Variants in SLC13A1 observed in about 807,000 individuals in gnomAD.
The protein encoded by SLC13A1 is solute carrier family 13 member 1, also known as Na(+)/sulfate cotransporter.
In SLC13A1, 65 loss-of-function variants were observed where a neutral mutation model predicts 70.0. That is an observed-to-expected ratio of 0.93 (90% CI 0.76 to 1.14). The LOEUF is 1.14. Ranked by LOEUF, SLC13A1 falls within the 50% of genes most tolerant of loss-of-function variation. SLC13A1 has a pLI of 0.00. For missense variants in SLC13A1, 726 were observed against 717.8 expected (o/e 1.01, Z -0.13); for synonymous variants, 275 against 250.5 (o/e 1.10, Z -0.92).
intron 6 of SLC13A1, among the ~76,000 whole-genome samples, chr7:123,161,861 T>C (rs1366407599): frequency 2.6e-5 from 4 of 152,172 alleles, no homozygotes; most frequent in Non-Finnish European, 5.9e-5. Context: ...TAGGCTCGTG[T>C]AGATTTTAGA....
intron 1 of SLC13A1, among the ~76,000 whole-genome samples, chr7:123,182,596 G>A (rs1795674263): frequency 6.6e-6 from 1 of 151,990 alleles, no homozygotes; most frequent in African/African-American, 2.4e-5. Context: ...CAACTATCTG[G>A]AGCACCAATC....
intron 6 of SLC13A1, among the ~76,000 whole-genome samples, chr7:123,159,330 A>T (rs2116487607): frequency 6.6e-6 from 1 of 152,344 alleles, no homozygotes; most frequent in East Asian, 1.9e-4. Context: ...ACAAAGAAGG[A>T]TGCCTAATCC....
At chr7:123,147,959 T>C (rs1389126432) in intron 6 of SLC13A1, among the ~76,000 whole-genome samples, 1 of 151,604 alleles carries the variant, frequency 6.6e-6, no homozygotes, top group African/African-American at 2.4e-5. Context: ...CTAAACTTCT[T>C]TAAGAAGGGT....
At chr7:123,149,674 T>C (rs1794487574) in intron 6 of SLC13A1, 8 of 454,556 alleles carry the variant, frequency 1.8e-5, no homozygotes, top group South Asian at 1.2e-4. Flanking sequence ...TTATAGTTAC[T>C]CAGGGGTAGA....
chr7:123,181,216 G>A, intron 1 of SLC13A1, 115 bp from the exon 2 acceptor site: 2 of 1,098,946 alleles, frequency 1.8e-6, no homozygotes, highest in Non-Finnish European at 2.5e-6. Flanking sequence ...AAGAAGATCT[G>A]AAGACCTCTG....
intron 1 of SLC13A1, among the ~76,000 whole-genome samples, chr7:123,188,770 G>T (rs1179271481): frequency 6.6e-6 from 1 of 152,044 alleles, no homozygotes; most frequent in African/African-American, 2.4e-5. Context: ...TAATTTTAAT[G>T]CAGTGATTTT....
chr7:123,150,054 A>G (rs1794500442), intron 6 of SLC13A1, among the ~76,000 whole-genome samples: 1 of 152,176 alleles, frequency 6.6e-6, no homozygotes, highest in African/African-American at 2.4e-5. Context: ...TAAAAATTAC[A>G]TGCACAGTAG....
rs1054898730 is a variant in SLC13A1 at position 123,114,629 on chromosome 7, CAT to C, written c.*887_*888del. The C allele has an allele frequency of 6.6e-6, 1 of 151,904 alleles. No individual in the cohort carries two copies. The highest frequency in any genetic ancestry group is 1.5e-5 in the Non-Finnish European group (1 of 67,968). The allele number at this position is 151,904 out of a possible 1,614,324, so 9.4% of individuals were successfully genotyped here. A position where few individuals can be genotyped will look rare whatever the true frequency, so the allele number is the denominator to read the frequency against. ...GATTTCTACATCTCTTTATTTTTAA[CAT>C]ATGACATTATGTATTTCTGAACTAA... On this transcript the variant is annotated 3_prime_UTR_variant, in exon 15 of 15. Coordinates refer to ENST00000194130, the MANE Select transcript of SLC13A1 (RefSeq NM_022444.4).
At chr7:123,165,396 G>A (rs2462155) in intron 6 of SLC13A1, among the ~76,000 whole-genome samples, 4,438 of 152,048 alleles carry the variant, frequency 0.029, 213 homozygotes, top group African/African-American at 0.1. Flanking sequence ...ATGCATCTCC[G>A]TTATCTTTTC....
chr7:123,115,684 T>C, intron 14 of SLC13A1, 29 bp from the exon 15 acceptor site: 1 of 1,611,392 alleles, frequency 6.2e-7, no homozygotes, highest in Non-Finnish European at 8.5e-7. Flanking sequence ...TAAATGTCAG[T>C]GTCCCAGAAG....
chr7:123,157,646 A>T (rs1794756660), intron 6 of SLC13A1, among the ~76,000 whole-genome samples: 1 of 152,110 alleles, frequency 6.6e-6, no homozygotes, highest in Admixed American at 6.6e-5. Flanking sequence ...TGACTGAAAC[A>T]AAATATAATA....
At chr7:123,170,839 A>G (rs1196850517) in intron 3 of SLC13A1, among the ~76,000 whole-genome samples, 2 of 152,024 alleles carry the variant, frequency 1.3e-5, no homozygotes, top group East Asian at 3.9e-4. Flanking sequence ...TTGGCCTCCT[A>G]AAGTGCTGGG....
intron 6 of SLC13A1, among the ~76,000 whole-genome samples, chr7:123,150,683 C>T (rs141774670): frequency 3.3e-5 from 5 of 152,206 alleles, no homozygotes; most frequent in African/African-American, 9.6e-5. Flanking sequence ...TCAATAGGAA[C>T]CTTTCAATCT....
chr7:123,125,585 T>G lies in SLC13A1; in HGVS notation c.1224A>C (p.Thr408=). The stretch of plus-strand genomic sequence containing the variant: ...ATACTCAACCAATTTCTCCTGTAGG[T>G]GTAGTTTTAGTCAGTGTCTTAGCTG... ...LIPAKTLTKT[T]PTGEIVAFDY... Residue 408 remains threonine, a synonymous_variant, in exon 11 of 15, where the codon ACA becomes ACC. Transcript: ENST00000194130. The G allele has an allele frequency of 6.2e-7, 1 of 1,608,602 alleles. No individual in the cohort carries two copies. Among genetic ancestry groups the G allele is most frequent in the Non-Finnish European group, 8.5e-7 (1 of 1,176,682 alleles).
rs571425997 is a variant in SLC13A1 at position 123,166,150 on chromosome 7, C to T, written c.660+2224G>A. On this transcript the variant is annotated intron_variant, in intron 6 of 14. Coordinates refer to ENST00000194130, the MANE Select transcript of SLC13A1 (RefSeq NM_022444.4). ...TATGTCAGACATATTTTTATAAGTCCGTCTTGTCCACTAGACTCTGAGCTG... is the reference window on the plus strand; with the variant it reads ...TATGTCAGACATATTTTTATAAGTCTGTCTTGTCCACTAGACTCTGAGCTG... Among the ~76,000 whole-genome samples the T allele has an allele frequency of 3.7e-3, 564 of 152,004 alleles. 1 individual carries two copies. The highest frequency in any genetic ancestry group is 5.1e-3 in the Non-Finnish European group (346 of 67,986).
intron 6 of SLC13A1, among the ~76,000 whole-genome samples, chr7:123,151,579 T>TA (rs970835531): frequency 6.6e-6 from 1 of 152,010 alleles, no homozygotes; most frequent in Non-Finnish European, 1.5e-5. Flanking sequence ...CTGTCCAAGT[T>TA]AAAATCAATT....
intron 1 of SLC13A1, among the ~76,000 whole-genome samples, chr7:123,193,606 A>G (rs1377271266): frequency 6.6e-6 from 1 of 152,320 alleles, no homozygotes; most frequent in East Asian, 1.9e-4. Flanking sequence ...TATAAATATC[A>G]TTAAATAAGC....
At position 123,129,364 on chromosome 7, in the gene SLC13A1, GTGTGTGTGTT is replaced by G. The variant is rs775535342; in HGVS notation, c.1031+9_1031+18del. The G allele has an allele frequency of 5.8e-6, 5 of 867,826 alleles. No homozygotes were observed. The highest frequency in any genetic ancestry group is 2.0e-5 in the African/African-American group (1 of 49,194). 53.8% of individuals were successfully genotyped at this position (867,826 alleles called of 1,614,324 possible). ...TGTGTGTGTGTGTGTGTGTGTGTGT[GTGTGTGTGTT>G]TGTCTTACCTTATTGGCCCAAGCTT... On this transcript the variant is annotated intron_variant, in intron 9 of 14. Coordinates refer to ENST00000194130, the MANE Select transcript of SLC13A1 (RefSeq NM_022444.4).
At chr7:123,142,210 G>T (rs765141024) in intron 7 of SLC13A1, among the ~76,000 whole-genome samples, 1 of 152,016 alleles carries the variant, frequency 6.6e-6, no homozygotes, top group Non-Finnish European at 1.5e-5. Flanking sequence ...AGCTCACCCC[G>T]TGTCCACTGC....
Sources: allele counts gnomAD v4.1 joint callset (sites outside exome capture counted in the v4.1 genomes callset), GRCh38; gene constraint gnomAD v4.1.1; transcripts MANE v1.5; gene names NCBI Gene and HGNC (gene_info 2026-07-23, HGNC 2026-07-21).